The following CNTNAP3B variants were observed in gnomAD, a reference collection of about 807,000 sequenced individuals.
The protein encoded by CNTNAP3B is contactin associated protein family member 3B, also known as contactin-associated protein-like 3B.
CNTNAP3B carries 25 observed loss-of-function variants against 108.9 expected under a neutral mutation model. The observed-to-expected ratio is 0.23, with a 90% confidence interval of 0.17 to 0.32. The LOEUF (loss-of-function observed/expected upper bound fraction) is 0.32. Ranked by LOEUF, CNTNAP3B falls within the 10% of genes least tolerant of loss-of-function variation. The pLI is 1.00. For missense variants in CNTNAP3B, 252 were observed against 1,210.4 expected (o/e 0.21, Z 11.75); for synonymous variants, 103 against 473.4 (o/e 0.22, Z 10.16).
intron 10 of CNTNAP3B, among the ~76,000 whole-genome samples, chr9:41,967,592 T>A (rs1387002914): frequency 6.6e-6 from 1 of 152,308 alleles, no homozygotes; most frequent in Non-Finnish European, 1.5e-5. Context: ...CTTACAGGCC[T>A]GTTTTCAGGA....
chr9:41,926,059 C>T (rs1244356175), intron 15 of CNTNAP3B, among the ~76,000 whole-genome samples: 1 of 152,410 alleles, frequency 6.6e-6, no homozygotes, highest in South Asian at 2.1e-4. Flanking sequence ...CGCAGTCTCT[C>T]TCTTCTATGT....
At chr9:41,951,118 C>T (rs1343836703) in intron 13 of CNTNAP3B, among the ~76,000 whole-genome samples, 5 of 134,576 alleles carry the variant, frequency 3.7e-5, no homozygotes, top group East Asian at 4.4e-4. Context: ...GTCAAGATTC[C>T]GGCTGTGATA....
intron 14 of CNTNAP3B, among the ~76,000 whole-genome samples, chr9:41,937,739 C>A (rs79862262): frequency 0.9 from 135,820 of 150,306 alleles, 60,668 homozygotes; most frequent in Admixed American, 0.92. Context: ...TATTGCACTG[C>A]AGATTTCAAT....
chr9:41,997,809 T>C, intron 5 of CNTNAP3B, 57 bp from the exon 6 acceptor site: 1 of 1,420,934 alleles, frequency 7.0e-7, no homozygotes, highest in Non-Finnish European at 9.5e-7. Context: ...CTTCCCTTTT[T>C]TAGTTGAGCA....
chr9:42,063,423 AT>A (rs1827209379), intron 3 of CNTNAP3B, among the ~76,000 whole-genome samples: 1 of 135,230 alleles, frequency 7.4e-6, no homozygotes, highest in South Asian at 2.4e-4. Context: ...TGCTTCTAGT[AT>A]TAATGGAATT....
At chr9:41,977,678 C>T (rs62556370) in intron 9 of CNTNAP3B, among the ~76,000 whole-genome samples, 16,898 of 125,806 alleles carry the variant, frequency 0.13, 695 homozygotes, top group Middle Eastern at 0.25. Flanking sequence ...AGTGCAGTGG[C>T]GCAGTCTCAG....
At chr9:41,921,773 C>T (rs1181507758) in intron 17 of CNTNAP3B, among the ~76,000 whole-genome samples, 1 of 151,334 alleles carries the variant, frequency 6.6e-6, no homozygotes. Flanking sequence ...AACAAGGAGC[C>T]TGTGATGAGA....
At chr9:41,939,449 T>G (rs1405179464) in intron 13 of CNTNAP3B, among the ~76,000 whole-genome samples, 1 of 152,376 alleles carries the variant, frequency 6.6e-6, no homozygotes, top group East Asian at 1.9e-4. Flanking sequence ...ATAGATAAGA[T>G]CTCTGCATTC....
At chr9:42,087,646 A>G (rs1827733156) in intron 2 of CNTNAP3B, among the ~76,000 whole-genome samples, 1 of 142,266 alleles carries the variant, frequency 7.0e-6, no homozygotes, top group African/African-American at 2.7e-5. Context: ...GCCATTCTTT[A>G]ATTTTAGCCA....
At chr9:41,966,739 G>C (rs563364451) in intron 10 of CNTNAP3B, among the ~76,000 whole-genome samples, 1 of 152,186 alleles carries the variant, frequency 6.6e-6, no homozygotes, top group East Asian at 1.9e-4. Context: ...AGGCTGACGC[G>C]GGTGGATCAC....
chr9:41,941,845 A>C (rs969224568), intron 13 of CNTNAP3B, among the ~76,000 whole-genome samples: 2 of 151,682 alleles, frequency 1.3e-5, no homozygotes, highest in African/African-American at 4.9e-5. Context: ...TTAGAGGGTC[A>C]ACACACCTTC....
chr9:42,053,934 G>T (rs1186743296), intron 3 of CNTNAP3B, among the ~76,000 whole-genome samples: 1,575 of 149,270 alleles, frequency 0.011, 11 homozygotes, highest in African/African-American at 0.037. Flanking sequence ...TTGTATTGAT[G>T]CATTTTCCCC....
At chr9:41,945,887 G>A (rs1451114756) in intron 13 of CNTNAP3B, among the ~76,000 whole-genome samples, 140 of 152,100 alleles carry the variant, frequency 9.2e-4, no homozygotes, top group African/African-American at 3.2e-3. Flanking sequence ...TGAAGAGCTA[G>A]AGAAAGATAT....
intron 3 of CNTNAP3B, among the ~76,000 whole-genome samples, chr9:42,028,727 T>C (rs927538766): frequency 1.3e-5 from 2 of 150,212 alleles, no homozygotes; most frequent in African/African-American, 5.0e-5. Flanking sequence ...AAGGGAAATA[T>C]GTTGATTATC....
At chr9:41,919,023 T>A (rs1157320959) in intron 18 of CNTNAP3B, among the ~76,000 whole-genome samples, 4 of 150,738 alleles carry the variant, frequency 2.7e-5, no homozygotes, top group Admixed American at 2.6e-4. Flanking sequence ...AACACACAAT[T>A]ACATTTTAGC....
Position 41,920,307 on chromosome 9 carries a change from C to CA in CNTNAP3B, c.2757dup (p.Gly920TrpfsTer66). 3 of 653,382 alleles carry CA rather than the reference C, an allele frequency of 4.6e-6. No homozygotes were observed. The highest frequency in any genetic ancestry group is 8.1e-6 in the Non-Finnish European group (3 of 370,950). 40.5% of individuals were successfully genotyped at this position (653,382 alleles called of 1,614,324 possible). On this transcript the variant is annotated frameshift_variant and splice_region_variant, in exon 18 of 24. Coordinates refer to ENST00000377561, the MANE Select transcript of CNTNAP3B (RefSeq NM_001201380.3). LOFTEE classifies it high-confidence loss of function. ...AAGCCTCTCTGTCTGGTGGCCGTTC[C>CA]ACCTACAACGGAAACACTGCAAATA...
intron 3 of CNTNAP3B, among the ~76,000 whole-genome samples, chr9:42,066,214 CATA>C (rs1361197072): frequency 1.5e-5 from 2 of 137,080 alleles, no homozygotes; most frequent in South Asian, 4.8e-4. Flanking sequence ...TTATATACCT[CATA>C]GTAATGTTTT....
At position 42,112,987 on chromosome 9, in the gene CNTNAP3B, T is replaced by C. The variant is rs1345129537; in HGVS notation, c.86-8248A>G. Among the ~76,000 whole-genome samples, 15 of 130,950 alleles carry C rather than the reference T, an allele frequency of 1.1e-4. 1 individual carries two copies. In the South Asian group the frequency reaches 3.5e-3, roughly 31 times the overall value. The allele number at this position is 130,950 out of a possible 152,430, so 85.9% of individuals were successfully genotyped here. On this transcript the variant is annotated intron_variant, in intron 1 of 23. Transcript: ENST00000377561. The stretch of plus-strand genomic sequence containing the variant: ...AGCCAAGATAGTATCGATCTCCTGA[T>C]CTCGTGATCCACCTGCCTCAACCTC...
At chr9:42,098,375 C>A (rs1827951969) in intron 2 of CNTNAP3B, among the ~76,000 whole-genome samples, 1 of 119,478 alleles carries the variant, frequency 8.4e-6, no homozygotes, top group African/African-American at 3.5e-5. Flanking sequence ...AGATTGAGAC[C>A]ATCCTGGCTA....
Sources: allele counts gnomAD v4.1 joint callset (sites outside exome capture counted in the v4.1 genomes callset), GRCh38; gene constraint gnomAD v4.1.1; transcripts MANE v1.5; gene names NCBI Gene and HGNC (gene_info 2026-07-23, HGNC 2026-07-21).